PKHD1: variants seen among roughly 807,000 people sequenced by gnomAD.
PKHD1 encodes PKHD1 ciliary IPT domain containing fibrocystin/polyductin, also known as fibrocystin.
In PKHD1, 291 loss-of-function variants were observed where a neutral mutation model predicts 412.0. That is an observed-to-expected ratio of 0.71 (90% CI 0.64 to 0.78). The LOEUF (loss-of-function observed/expected upper bound fraction) is 0.78. Ranked by LOEUF, PKHD1 falls within the 30% of genes least tolerant of loss-of-function variation. The probability of loss-of-function intolerance (pLI) is 0.00; values close to 1 mark genes in which losing one functional copy is unlikely to be tolerated. For synonymous variants in PKHD1, 1,777 were observed against 1,821.5 expected (o/e 0.98, Z 0.62); for missense variants, 4,825 against 4,950.7 (o/e 0.97, Z 0.76).
chr6:51,748,634 C>A lies in PKHD1; in HGVS notation c.8982G>T (p.Gln2994His), dbSNP rs1785574286. Reference protein sequence around the residue: ...GVLQLLNVEIQNFGSPLYSSV... With the variant: ...GVLQLLNVEIHNFGSPLYSSV... ...ATGAGTACAATGGTGACCCGAAGTT[C>A]TGAATTTCCACATTAAGAAGTTGAA... The change falls in exon 58 of 67, where the codon CAG becomes CAT. Residue 2994 changes from glutamine to histidine, a missense_variant. Gln to His is a conservative substitution (Grantham distance 24, BLOSUM62 0). Transcript: ENST00000371117. 1 of 1,613,672 alleles carries A rather than the reference C, an allele frequency of 6.2e-7. No individual in the cohort carries two copies. The highest frequency in any genetic ancestry group is 1.1e-5 in the South Asian group (1 of 91,068).
At chr6:52,053,952 AGTG>A (rs1469626733) in intron 20 of PKHD1, 83 bp downstream of exon 20, 2 of 1,349,132 alleles carry the variant, frequency 1.5e-6, no homozygotes, top group East Asian at 4.6e-5. Flanking sequence ...TAAGACCATT[AGTG>A]CCTGAGGTGG....
At chr6:52,006,238 A>G (rs2128107573) in intron 35 of PKHD1, among the ~76,000 whole-genome samples, 1 of 151,934 alleles carries the variant, frequency 6.6e-6, no homozygotes, top group South Asian at 2.1e-4. Flanking sequence ...GCAATGGTGC[A>G]ATCTTAGCTT....
chr6:51,890,283 T>C (rs1025056776), intron 43 of PKHD1, among the ~76,000 whole-genome samples: 103 of 151,956 alleles, frequency 6.8e-4, no homozygotes, highest in African/African-American at 2.3e-3. Flanking sequence ...AGTAGAGAAA[T>C]GAAGGTAGGA....
At chr6:51,752,431 T>G (rs1019800566) in intron 57 of PKHD1, among the ~76,000 whole-genome samples, 1 of 152,224 alleles carries the variant, frequency 6.6e-6, no homozygotes, top group Non-Finnish European at 1.5e-5. Flanking sequence ...CAGAGCTTGC[T>G]CTATTAACTA....
intron 60 of PKHD1, among the ~76,000 whole-genome samples, chr6:51,701,884 T>A (rs992277386): frequency 5.3e-4 from 81 of 151,964 alleles, no homozygotes; most frequent in African/African-American, 1.8e-3. Context: ...GGATATTATG[T>A]ACACACTTAT....
At chr6:51,922,628 C>T (rs1342825435) in intron 37 of PKHD1, among the ~76,000 whole-genome samples, 2 of 152,302 alleles carry the variant, frequency 1.3e-5, no homozygotes, top group East Asian at 1.9e-4. Context: ...CTTTGTTTAC[C>T]TACTCAAGCC....
At chr6:52,086,932 C>T (rs2128249582) in intron 1 of PKHD1, among the ~76,000 whole-genome samples, 1 of 152,286 alleles carries the variant, frequency 6.6e-6, no homozygotes, top group Admixed American at 6.5e-5. Context: ...GTTACACAGA[C>T]AAAATATACT....
At chr6:51,925,793 C>CCG in intron 37 of PKHD1, among the ~76,000 whole-genome samples, 1 of 152,056 alleles carries the variant, frequency 6.6e-6, no homozygotes, top group East Asian at 1.9e-4. Context: ...TCTCTCCCTT[C>CCG]CTCTCTCTCT....
In PKHD1 at chr6:51,903,665, C is replaced by T. The variant is rs1280450484; in HGVS notation, c.6928G>A (p.Gly2310Arg). Residue 2310 changes from glycine (G) to arginine (R), a missense_variant, in exon 43 of 67, where the codon GGA (glycine) becomes AGA (arginine). Coordinates refer to ENST00000371117, the MANE Select transcript of PKHD1 (RefSeq NM_138694.4). The part of the protein sequence containing the change: ...NVIIQVSGAE[G>R]LSNPEMLTPS... ...GTCAACATTTCAGGATTGGAGAGTC[C>T]CTCGGCACCAGAAACCTGGATGATC... is the stretch of plus-strand genomic sequence containing the variant. 1.2e-6 allele frequency: 2 copies of T among 1,610,678 alleles called. No individual in the cohort carries two copies. Among genetic ancestry groups the T allele is most frequent in the Admixed American group, 1.7e-5 (1 of 59,954 alleles).
At chr6:51,653,778 A>G (rs2150386687) in intron 61 of PKHD1, among the ~76,000 whole-genome samples, 1 of 152,274 alleles carries the variant, frequency 6.6e-6, no homozygotes, top group South Asian at 2.1e-4. Context: ...ACAGGGCACA[A>G]GGACAATGAA....
intron 55 of PKHD1, among the ~76,000 whole-genome samples, chr6:51,758,360 A>G (rs1364073027): frequency 6.6e-6 from 1 of 152,186 alleles, no homozygotes; most frequent in African/African-American, 2.4e-5. Flanking sequence ...GGGTCTCAGT[A>G]TCAATAGCCT....
At chr6:51,739,413 T>G (rs1784281047) in intron 60 of PKHD1, among the ~76,000 whole-genome samples, 1 of 152,068 alleles carries the variant, frequency 6.6e-6, no homozygotes. Context: ...CTATTTTTAG[T>G]AGAGACGGAT....
intron 47 of PKHD1, 62 bp downstream of exon 47, chr6:51,870,442 T>A: frequency 7.5e-7 from 1 of 1,333,386 alleles, no homozygotes; most frequent in Non-Finnish European, 1.1e-6. Flanking sequence ...TTGCCACTAT[T>A]TATAATACTG....
intron 27 of PKHD1, among the ~76,000 whole-genome samples, chr6:52,041,300 T>C (rs988735506): frequency 2.6e-5 from 4 of 152,202 alleles, no homozygotes; most frequent in African/African-American, 9.7e-5. Flanking sequence ...GTACTCTTCA[T>C]AGAGATTGCC....
chr6:52,068,144 GAAGGAT>G (rs1198740829), intron 11 of PKHD1, among the ~76,000 whole-genome samples: 1 of 152,206 alleles, frequency 6.6e-6, no homozygotes, highest in East Asian at 1.9e-4. Flanking sequence ...TTTGGAATAA[GAAGGAT>G]AAGCACCACT....
intron 52 of PKHD1, among the ~76,000 whole-genome samples, chr6:51,802,367 T>C (rs563417386): frequency 6.6e-6 from 1 of 151,764 alleles, no homozygotes; most frequent in East Asian, 1.9e-4. Context: ...TTTATCCACA[T>C]AATTCTATTA....
Position 52,024,874 on chromosome 6 carries a change from G to A in PKHD1, c.4936C>T (p.His1646Tyr), listed in dbSNP as rs753677344. 3 of 1,614,168 alleles carry A rather than the reference G, an allele frequency of 1.9e-6. No individual in the cohort carries two copies. The South Asian group carries it at 3.3e-5, about 18-fold the overall frequency. Reference sequence around the variant, plus strand: ...TTGTTATAACCAATGACTCCTATGTGATACCAAAGTCCATCTACCTCTATT... The same window carrying A: ...TTGTTATAACCAATGACTCCTATGTAATACCAAAGTCCATCTACCTCTATT... ...LEIEVDGLWY[H>Y]IGVIGYNKAF... The change falls in exon 32 of 67, where the codon CAC (histidine) becomes TAC (tyrosine). Residue 1646 changes from histidine (H) to tyrosine (Y), a missense_variant. Transcript: ENST00000371117.
intron 46 of PKHD1, among the ~76,000 whole-genome samples, chr6:51,882,311 C>G (rs1490840730): frequency 6.6e-6 from 1 of 152,006 alleles, no homozygotes; most frequent in Non-Finnish European, 1.5e-5. Flanking sequence ...GGAGATTTTA[C>G]TAAGAAAAGT....
At position 51,906,226 on chromosome 6, in the gene PKHD1, G is replaced by C. The variant is rs755286726; in HGVS notation, c.6797C>G (p.Ala2266Gly). The C allele has an allele frequency of 6.2e-7, 1 of 1,611,506 alleles. No individual in the cohort carries two copies. The highest frequency in any genetic ancestry group is 8.5e-7 in the Non-Finnish European group (1 of 1,177,974). ...SNVFYNILGHALLVGTCTEMR... is the reference protein window; with the variant it reads ...SNVFYNILGHGLLVGTCTEMR... ...CTTGTTTTACTTACCAACTAGCAGC[G>C]CATGACCTAAAATATTGTAGAATAC... Residue 2266 changes from alanine to glycine, a missense_variant, in exon 41 of 67, where the codon GCG becomes GGG. Ala to Gly is a moderately conservative substitution (Grantham distance 60). Coordinates refer to ENST00000371117, the MANE Select transcript of PKHD1 (RefSeq NM_138694.4).
Sources: gnomAD v4.1 joint callset for allele counts (sites outside exome capture counted in the v4.1 genomes callset) on GRCh38, gnomAD v4.1.1 for gene constraint, MANE v1.5 for transcripts, NCBI Gene and HGNC (gene_info 2026-07-23, HGNC 2026-07-21) for gene names.